Variants in ZNF738 observed in about 807,000 individuals in gnomAD.
The protein encoded by ZNF738 is protein ZNF738.
In ZNF738, 10 loss-of-function variants were observed where a neutral mutation model predicts 9.2. The observed-to-expected ratio is 1.09, with a 90% CI of 0.67 to 1.85. The LOEUF (loss-of-function observed/expected upper bound fraction) is 1.85, where lower values mean the gene tolerates loss of function less well. Ranked by LOEUF, ZNF738 falls within the 40% of genes most tolerant of loss-of-function variation. The pLI, the probability that ZNF738 is intolerant of heterozygous loss-of-function variation, is 0.00. For missense variants in ZNF738, 346 were observed against 283.6 expected (o/e 1.22, Z -1.58); for synonymous variants, 113 against 94.5 (o/e 1.20, Z -1.14).
At chr19:21,359,694 G>C (rs568448248) in intron 1 of ZNF738, among the ~76,000 whole-genome samples, 8 of 152,234 alleles carry the variant, frequency 5.3e-5, no homozygotes, top group African/African-American at 1.9e-4. Context: ...TGGCTAACAC[G>C]GTGAAACCCC....
chr19:21,359,166 C>A (rs773493922), intron 1 of ZNF738, 23 bp downstream of exon 1: 57 of 1,036,884 alleles, frequency 5.5e-5, no homozygotes, highest in Non-Finnish European at 2.6e-5. Flanking sequence ...GGTCCAACAT[C>A]CCGAGAGAGG....
chr19:21,386,311 CATAAG>C lies in ZNF738; in HGVS notation c.*2642_*2646del, dbSNP rs1264003320. 4.1e-5 allele frequency: 12 copies of C among 293,682 alleles called. No homozygotes were observed. Among genetic ancestry groups the C allele is most frequent in the African/African-American group, 2.4e-4 (11 of 45,132 alleles). 18.2% of individuals were successfully genotyped at this position (293,682 alleles called of 1,614,324 possible). A position where few individuals can be genotyped will look rare whatever the true frequency, so the allele number is the denominator to read the frequency against. On this transcript the variant is annotated 3_prime_UTR_variant, in exon 5 of 5. Transcript: ENST00000683779. ...TAACTAATCCTCAACCCTTACTACA[CATAAG>C]ATAATTAATGCTGGAGGGAAATCCC...
At chr19:21,363,138 A>G (rs1157231880) in intron 2 of ZNF738, among the ~76,000 whole-genome samples, 1 of 152,200 alleles carries the variant, frequency 6.6e-6, no homozygotes, top group Non-Finnish European at 1.5e-5. Context: ...AGAATAATAC[A>G]TTTATTTTCT....
intron 2 of ZNF738, among the ~76,000 whole-genome samples, chr19:21,362,293 AAG>A (rs1381871375): frequency 6.6e-6 from 1 of 152,124 alleles, no homozygotes; most frequent in Admixed American, 6.6e-5. Context: ...GTAAAAGAAA[AAG>A]AGTAAAAAAC....
In ZNF738 at chr19:21,384,488, A is replaced by G. The variant is rs1354860227; in HGVS notation, c.*814A>G. On this transcript the variant is annotated 3_prime_UTR_variant, in exon 5 of 5. Coordinates refer to ENST00000683779, the MANE Select transcript of ZNF738 (RefSeq NM_001355237.2). Reference sequence around the variant, plus strand: ...CTACACATAAGATGATTCATACTGGAGAGAGACCCTACAAACATGAAGAAA... The same window carrying G: ...CTACACATAAGATGATTCATACTGGGGAGAGACCCTACAAACATGAAGAAA... Among the ~76,000 whole-genome samples the G allele has an allele frequency of 6.6e-6, 1 of 152,162 alleles. No homozygotes were observed.
chr19:21,387,573 G>T lies in ZNF738; in HGVS notation c.*3899G>T, dbSNP rs1974081528. Among the ~76,000 whole-genome samples the T allele has an allele frequency of 6.6e-6, 1 of 152,148 alleles. No homozygotes were observed. Among genetic ancestry groups the T allele is most frequent in the Admixed American group, 6.5e-5 (1 of 15,272 alleles). ...TGTGGCAAAACTTAACCACCTTATT[G>T]CACAGAAAAGCATTTATGTTTGAGA... On this transcript the variant is annotated 3_prime_UTR_variant, in exon 5 of 5. Coordinates refer to ENST00000683779, the MANE Select transcript of ZNF738 (RefSeq NM_001355237.2).
At chr19:21,365,799 T>C (rs745837609) in intron 2 of ZNF738, among the ~76,000 whole-genome samples, 29 of 151,536 alleles carry the variant, frequency 1.9e-4, no homozygotes, top group Non-Finnish European at 3.7e-4. Flanking sequence ...CTACCAAAAA[T>C]ACAAAAAATT....
chr19:21,380,142 G>C (rs1973986409), intron 4 of ZNF738, among the ~76,000 whole-genome samples: 1 of 152,112 alleles, frequency 6.6e-6, no homozygotes, highest in African/African-American at 2.4e-5. Context: ...GCACAATGAG[G>C]ACCACATTCC....
At chr19:21,361,407 G>A (rs12975464) in intron 1 of ZNF738, among the ~76,000 whole-genome samples, 86,014 of 151,636 alleles carry the variant, frequency 0.57, 24,622 homozygotes, top group Middle Eastern at 0.69. Flanking sequence ...CCCAAAGTGT[G>A]GGGATTACAG....
rs1051153245 is a variant in ZNF738, at chr19:21,385,476, T to A, written c.*1802T>A. On this transcript the variant is annotated 3_prime_UTR_variant, in exon 5 of 5. Coordinates refer to ENST00000683779, the MANE Select transcript of ZNF738 (RefSeq NM_001355237.2). The stretch of plus-strand genomic sequence containing the variant: ...ATCTCCAAAAAAATAAATAAATAAA[T>A]AAAAAAAATAAGAGAGTTCATACTA... 2.0e-4 allele frequency among the ~76,000 whole-genome samples: 29 copies of A among 148,220 alleles called. No homozygotes were observed. Among genetic ancestry groups the A allele is most frequent in the South Asian group, 6.4e-4 (3 of 4,658 alleles).
chr19:21,370,807 C>G (rs1202374099), intron 2 of ZNF738, among the ~76,000 whole-genome samples: 1 of 152,124 alleles, frequency 6.6e-6, no homozygotes, highest in Non-Finnish European at 1.5e-5. Context: ...CAGAGTCAGG[C>G]TAACCTCACC....
chr19:21,378,510 A>G, intron 4 of ZNF738: 1 of 228,384 alleles, frequency 4.4e-6, no homozygotes, highest in Non-Finnish European at 1.0e-5. Flanking sequence ...TATTTTCTTC[A>G]GATTTCACTA....
At position 21,384,925 on chromosome 19, in the gene ZNF738, G is replaced by T. The variant is rs1466691260; in HGVS notation, c.*1251G>T. Among the ~76,000 whole-genome samples the T allele has an allele frequency of 6.6e-6, 1 of 152,208 alleles. No individual in the cohort carries two copies. The highest frequency in any genetic ancestry group is 1.9e-4 in the East Asian group (1 of 5,188). On this transcript the variant is annotated 3_prime_UTR_variant, in exon 5 of 5. Coordinates refer to ENST00000683779, the MANE Select transcript of ZNF738 (RefSeq NM_001355237.2). ...CATATTGGAGAATAACACTACAAAT[G>T]TAAAAAATGTGGCAAACCTTATAAC...
At chr19:21,379,702 T>A (rs1454782403) in intron 4 of ZNF738, among the ~76,000 whole-genome samples, 2 of 147,682 alleles carry the variant, frequency 1.4e-5, no homozygotes, top group Admixed American at 6.8e-5. Flanking sequence ...GTTTTTTAAA[T>A]TTTTTTTTTT....
chr19:21,359,108 G>A lies in ZNF738; in HGVS notation c.-33G>A, dbSNP rs747618836. 2.9e-6 allele frequency: 3 copies of A among 1,028,680 alleles called. No individual in the cohort carries two copies. Among genetic ancestry groups the A allele is most frequent in the Non-Finnish European group, 3.1e-6 (2 of 648,310 alleles). 63.7% of individuals were successfully genotyped at this position (1,028,680 alleles called of 1,614,324 possible). ...GACCTGCAGGTATTGGGAATCCACAGCTAAGACGCCGGGACACCCTGGAAG... is the reference window on the plus strand; with the variant it reads ...GACCTGCAGGTATTGGGAATCCACAACTAAGACGCCGGGACACCCTGGAAG... On this transcript the variant is annotated 5_prime_UTR_variant, in exon 1 of 5. Transcript: ENST00000683779.
At chr19:21,376,614 G>A (rs112744059) in intron 4 of ZNF738, among the ~76,000 whole-genome samples, 6 of 152,118 alleles carry the variant, frequency 3.9e-5, no homozygotes, top group East Asian at 3.9e-4. Flanking sequence ...GTGCAAAGGC[G>A]CCATCTTGGC....
chr19:21,359,215 G>T, intron 1 of ZNF738, 72 bp downstream of exon 1: 1 of 959,090 alleles, frequency 1.0e-6, no homozygotes, highest in East Asian at 2.4e-5. Context: ...TGGCTGTGGC[G>T]AGACTCAGGC....
At chr19:21,380,542 A>G (rs558634694) in intron 4 of ZNF738, among the ~76,000 whole-genome samples, 1 of 152,316 alleles carries the variant, frequency 6.6e-6, no homozygotes, top group South Asian at 2.1e-4. Context: ...CAACTAAAAG[A>G]ATCAAAGTCA....
At position 21,383,505 on chromosome 19, in the gene ZNF738, G is replaced by T; in HGVS notation, c.959G>T (p.Gly320Val). 3.8e-6 allele frequency: 3 copies of T among 799,286 alleles called. No individual in the cohort carries two copies. The highest frequency in any genetic ancestry group is 1.9e-5 in the Admixed American group (1 of 53,342). 49.5% of individuals were successfully genotyped at this position (799,286 alleles called of 1,614,324 possible). A position where few individuals can be genotyped will look rare whatever the true frequency, so the allele number is the denominator to read the frequency against. ...HAGEKPYKCEGCGKAFCQFSY... is the reference protein window; with the variant it reads ...HAGEKPYKCEVCGKAFCQFSY... The stretch of plus-strand genomic sequence containing the variant: ...GGAGAGAAACCCTACAAATGTGAAG[G>T]ATGTGGCAAAGCTTTCTGCCAATTC... Residue 320 changes from glycine (G) to valine (V), a missense_variant, in exon 5 of 5, where the codon GGA becomes GTA. Coordinates refer to ENST00000683779, the MANE Select transcript of ZNF738 (RefSeq NM_001355237.2).
Sources: gnomAD v4.1 joint callset for allele counts (sites outside exome capture counted in the v4.1 genomes callset) on GRCh38, gnomAD v4.1.1 for gene constraint, MANE v1.5 for transcripts, NCBI Gene and HGNC (gene_info 2026-07-23, HGNC 2026-07-21) for gene names.